The following RAD54B variants were observed in gnomAD, a reference collection of about 807,000 sequenced individuals.
The protein encoded by RAD54B is RAD54 homolog B, also known as DNA repair and recombination protein RAD54B.
Under a neutral mutation model 95.8 loss-of-function variants are expected in RAD54B, and 78 were observed. That is an observed-to-expected ratio of 0.81 (90% CI 0.68 to 0.98). The LOEUF is 0.98. RAD54B is among the 50% of genes least tolerant of loss of function. The pLI, the probability that RAD54B is intolerant of heterozygous loss-of-function variation, is 0.00. For synonymous variants in RAD54B, 328 were observed against 354.9 expected (o/e 0.92, Z 0.85); for missense variants, 957 against 1,056.6 (o/e 0.91, Z 1.31).
At position 94,393,816 on chromosome 8, in the gene RAD54B, A is replaced by G. The variant is rs1381119672; in HGVS notation, c.1445T>C (p.Leu482Ser). 1 of 1,589,200 alleles carries G rather than the reference A, an allele frequency of 6.3e-7. No homozygotes were observed. Among genetic ancestry groups the G allele is most frequent in the African/African-American group, 1.3e-5 (1 of 74,244 alleles). The change falls in exon 9 of 15, where the codon TTA becomes TCA. Residue 482 changes from leucine (L) to serine (S), a missense_variant. Leu to Ser is a moderately radical substitution (Grantham distance 145). Transcript: ENST00000336148. Reference protein sequence around the residue: ...ALIDFVNPGILGSLSSYRKIY... With the variant: ...ALIDFVNPGISGSLSSYRKIY... ...TTTCCTATAAGATGACAAAGAGCCT[A>G]ATATTCCTGGATTTACAAAATCAAT...
chr8:94,430,958 T>G, intron 3 of RAD54B: 2 of 985,340 alleles, frequency 2.0e-6, no homozygotes, highest in Non-Finnish European at 2.4e-6. Context: ...TTTTTCCCAT[T>G]CTTTTGTCTT....
intron 3 of RAD54B, among the ~76,000 whole-genome samples, chr8:94,437,642 G>C (rs180754621): frequency 1.2e-4 from 18 of 152,236 alleles, no homozygotes; most frequent in Admixed American, 2.0e-4. Flanking sequence ...TATTCTAGCC[G>C]TAATGTATGT....
chr8:94,422,218 C>G (rs1811820919), intron 3 of RAD54B, among the ~76,000 whole-genome samples: 2 of 152,026 alleles, frequency 1.3e-5, no homozygotes, highest in Non-Finnish European at 2.9e-5. Flanking sequence ...ACTCACAGAA[C>G]AAGATACTTT....
intron 3 of RAD54B, among the ~76,000 whole-genome samples, chr8:94,441,878 G>A (rs74665808): frequency 0.012 from 1,767 of 152,230 alleles, 42 homozygotes; most frequent in African/African-American, 0.041. Context: ...CCAGGGAAAC[G>A]GGGTCAAAGG....
chr8:94,411,369 G>T (rs1811527315), intron 3 of RAD54B, 54 bp from the exon 4 acceptor site: 1 of 1,404,250 alleles, frequency 7.1e-7, no homozygotes, highest in Admixed American at 2.8e-5. Flanking sequence ...TGTCTAAGTA[G>T]TAAGGTCATT....
chr8:94,416,724 G>A (rs1811681015), intron 3 of RAD54B, among the ~76,000 whole-genome samples: 1 of 152,096 alleles, frequency 6.6e-6, no homozygotes, highest in Non-Finnish European at 1.5e-5. Context: ...CGCAAAGTCA[G>A]ATAATAAACA....
chr8:94,447,698 T>A (rs2130151395), intron 3 of RAD54B, among the ~76,000 whole-genome samples: 1 of 152,270 alleles, frequency 6.6e-6, no homozygotes, highest in Middle Eastern at 3.4e-3. Context: ...TAGCACAAAG[T>A]TAGGAAATCT....
intron 3 of RAD54B, among the ~76,000 whole-genome samples, chr8:94,422,654 A>ATATATATAT (rs60336758): frequency 2.4e-5 from 3 of 124,396 alleles, no homozygotes; most frequent in African/African-American, 6.0e-5. Context: ...ATATATATAT[A>ATATATATAT]AAATTATCAG....
chr8:94,419,742 C>A (rs1811757217), intron 3 of RAD54B, among the ~76,000 whole-genome samples: 1 of 121,788 alleles, frequency 8.2e-6, no homozygotes, highest in Admixed American at 8.7e-5. Flanking sequence ...CAGCCTGGCC[C>A]CCACCAAAAA....
At chr8:94,388,385 TA>T (rs1184282757) in intron 10 of RAD54B, among the ~76,000 whole-genome samples, 10 of 152,208 alleles carry the variant, frequency 6.6e-5, no homozygotes, top group Non-Finnish European at 1.3e-4. Flanking sequence ...AAAAATACAG[TA>T]TATAATATAC....
At chr8:94,434,009 T>A (rs1812192554) in intron 3 of RAD54B, among the ~76,000 whole-genome samples, 1 of 151,820 alleles carries the variant, frequency 6.6e-6, no homozygotes. Flanking sequence ...ATAAAAAATC[T>A]ATTTGTAGGT....
intron 3 of RAD54B, chr8:94,431,595 C>A (rs1394257679): frequency 2.2e-5 from 20 of 915,384 alleles, no homozygotes; most frequent in Non-Finnish European, 2.6e-5. Context: ...CTCCCTGGAC[C>A]TGTTTCATTA....
intron 14 of RAD54B, 83 bp downstream of exon 14, chr8:94,378,097 A>AAGTT: frequency 9.2e-7 from 1 of 1,088,186 alleles, no homozygotes; most frequent in Non-Finnish European, 1.3e-6. Flanking sequence ...AAATATTATA[A>AAGTT]AGTTATTCTT....
chr8:94,376,754 A>G (rs1000530210), intron 14 of RAD54B, among the ~76,000 whole-genome samples: 2 of 148,718 alleles, frequency 1.3e-5, no homozygotes, highest in South Asian at 2.1e-4. Context: ...ATATTTATAT[A>G]TGACATATAA....
chr8:94,430,927 G>A, intron 3 of RAD54B: 1 of 985,308 alleles, frequency 1.0e-6, no homozygotes, highest in Non-Finnish European at 1.2e-6. Flanking sequence ...CACTGCATTT[G>A]TGCTTATATA....
At chr8:94,410,789 TA>T (rs1343901067) in intron 4 of RAD54B, among the ~76,000 whole-genome samples, 1 of 152,138 alleles carries the variant, frequency 6.6e-6, no homozygotes, top group Non-Finnish European at 1.5e-5. Flanking sequence ...TTAGCATTCT[TA>T]AAAAGAGAGA....
chr8:94,379,475 C>T (rs1810681879), intron 12 of RAD54B, among the ~76,000 whole-genome samples: 1 of 152,194 alleles, frequency 6.6e-6, no homozygotes, highest in Non-Finnish European at 1.5e-5. Flanking sequence ...AAGCTTGTGC[C>T]TGGTCTCTCT....
At chr8:94,436,913 G>A in intron 3 of RAD54B, 1 of 1,483,446 alleles carries the variant, frequency 6.7e-7, no homozygotes, top group East Asian at 2.5e-5. Flanking sequence ...CCACCATGCA[G>A]CCTTCAGCTC....
At chr8:94,403,945 C>T (rs886457068) in intron 6 of RAD54B, 132 bp downstream of exon 6, 3 of 742,470 alleles carry the variant, frequency 4.0e-6, no homozygotes, top group Middle Eastern at 7.8e-4. Flanking sequence ...GCACTATTCA[C>T]CTTTCCTACC....
Sources: allele counts gnomAD v4.1 joint callset (sites outside exome capture counted in the v4.1 genomes callset), GRCh38; gene constraint gnomAD v4.1.1; transcripts MANE v1.5; gene names NCBI Gene and HGNC (gene_info 2026-07-23, HGNC 2026-07-21).